The following HTT variants were observed in gnomAD, a reference collection of about 807,000 sequenced individuals.
HTT encodes the protein huntingtin.
HTT carries 104 observed loss-of-function variants against 362.3 expected under a neutral mutation model. That is an observed-to-expected ratio of 0.29 (90% CI 0.24 to 0.34). HTT has a LOEUF of 0.34. Ranked by LOEUF, HTT falls within the 10% of genes least tolerant of loss-of-function variation. HTT has a pLI of 1.00. For synonymous variants in HTT, 1,577 were observed against 1,548.7 expected, an observed-to-expected ratio of 1.02 and a Z score of -0.43; for missense variants, 3,301 against 3,928.6, an observed-to-expected ratio of 0.84 and a Z score of 4.27.
At chr4:3,202,366 A>G (rs1719623715) in intron 41 of HTT, among the ~76,000 whole-genome samples, 1 of 152,168 alleles carries the variant, frequency 6.6e-6, no homozygotes, top group South Asian at 2.1e-4. Context: ...TGAATTGCAA[A>G]TACTGCCTCT....
intron 51 of HTT, 84 bp from the exon 52 acceptor site, chr4:3,217,681 C>A: frequency 8.5e-7 from 1 of 1,175,262 alleles, no homozygotes; most frequent in East Asian, 2.4e-5. Flanking sequence ...ACAGCTTGAG[C>A]AGCTGGTTGT....
chr4:3,163,747 T>A (rs1031714695), intron 29 of HTT, among the ~76,000 whole-genome samples: 2 of 152,338 alleles, frequency 1.3e-5, no homozygotes, highest in East Asian at 3.9e-4. Flanking sequence ...AGTTTGTATT[T>A]CTGTGGGATC....
intron 64 of HTT, among the ~76,000 whole-genome samples, chr4:3,238,244 T>G (rs1292711997): frequency 6.6e-6 from 1 of 152,232 alleles, no homozygotes; most frequent in Non-Finnish European, 1.5e-5. Flanking sequence ...GGCTGGGGTT[T>G]TGCCTTTTTA....
In HTT at chr4:3,172,920, C is replaced by G; in HGVS notation, c.3955C>G (p.Leu1319Val). Residue 1319 changes from leucine (L) to valine (V), a missense_variant, in exon 31 of 67, where the codon CTC becomes GTC. Transcript: ENST00000355072. ...TTTTTCACTGTAGTTGTTGAAGACT[C>G]TCTTTGGCACAAACTTGGCCTCCCA... ...TVCVQQLLKT[L>V]FGTNLASQFD... 3.1e-6 allele frequency: 5 copies of G among 1,614,058 alleles called. No homozygotes were observed. The highest frequency in any genetic ancestry group is 3.4e-6 in the Non-Finnish European group (4 of 1,179,896).
intron 1 of HTT, 115 bp downstream of exon 1, chr4:3,075,203 A>G: frequency 1.9e-6 from 2 of 1,026,202 alleles, no homozygotes; most frequent in Non-Finnish European, 2.4e-6. Flanking sequence ...CCGCAGAGAC[A>G]GAGTGACCCA....
chr4:3,175,189 A>G, intron 33 of HTT, 82 bp downstream of exon 33: 1 of 1,295,266 alleles, frequency 7.7e-7, no homozygotes, highest in East Asian at 2.3e-5. Flanking sequence ...AATCTACTTT[A>G]AAGAAATGTG....
chr4:3,186,495 A>G (rs1718762899), intron 37 of HTT, 102 bp from the exon 38 acceptor site: 2 of 1,296,814 alleles, frequency 1.5e-6, no homozygotes, highest in Admixed American at 1.9e-5. Flanking sequence ...GGTGACGATG[A>G]GATGATTATG....
intron 2 of HTT, among the ~76,000 whole-genome samples, chr4:3,095,282 C>G (rs574270285): frequency 6.6e-6 from 1 of 152,232 alleles, no homozygotes; most frequent in South Asian, 2.1e-4. Flanking sequence ...CCCGGCACCT[C>G]GGGAGGCCGA....
chr4:3,138,062 A>G lies in HTT; in HGVS notation c.2798+1736A>G, dbSNP rs1426642967. Among the ~76,000 whole-genome samples, 3 of 139,950 alleles carry G rather than the reference A, an allele frequency of 2.1e-5. No homozygotes were observed. In the East Asian group the frequency reaches 7.1e-4, roughly 33 times the overall value. The allele number at this position is 139,950 out of a possible 152,430, so 91.8% of individuals were successfully genotyped here. On this transcript the variant is annotated intron_variant, in intron 21 of 66. Coordinates refer to ENST00000355072, the MANE Select transcript of HTT (RefSeq NM_001388492.1). ...TGAAACTGCTCTTCAAAAACATACC[A>G]TTGTTCCTTCCTTCCTTCCTTCCTT...
chr4:3,100,262 A>G (rs1257072365), intron 3 of HTT, among the ~76,000 whole-genome samples: 1 of 152,210 alleles, frequency 6.6e-6, no homozygotes, highest in Admixed American at 6.5e-5. Context: ...GTGAGGACTA[A>G]TTGCCACTAC....
At chr4:3,238,730 G>GGGGC in intron 65 of HTT, 88 bp from the exon 66 acceptor site, 5 of 1,097,028 alleles carry the variant, frequency 4.6e-6, no homozygotes, top group South Asian at 1.4e-5. Context: ...AATGCCTCTG[G>GGGGC]CCCCCACCCC....
intron 10 of HTT, 106 bp downstream of exon 10, chr4:3,123,042 T>A (rs928748960): frequency 1.7e-5 from 13 of 761,276 alleles, no homozygotes; most frequent in Non-Finnish European, 2.6e-5. Context: ...TTGGACTCTG[T>A]GTATATCTCT....
At position 3,182,486 on chromosome 4, in the gene HTT, C is replaced by T; in HGVS notation, c.4866+16C>T. On this transcript the variant is annotated intron_variant, in intron 37 of 66. Coordinates refer to ENST00000355072, the MANE Select transcript of HTT (RefSeq NM_001388492.1). Reference sequence around the variant, plus strand: ...CAAACAGCAGGTTTGTCCCCGCAGCCTTGGCTTGTTGTTGCATAGTGATGG... The same window carrying T: ...CAAACAGCAGGTTTGTCCCCGCAGCTTTGGCTTGTTGTTGCATAGTGATGG... 1 of 1,551,522 alleles carries T rather than the reference C, an allele frequency of 6.4e-7. No homozygotes were observed. Among genetic ancestry groups the T allele is most frequent in the Non-Finnish European group, 8.9e-7 (1 of 1,123,094 alleles).
At position 3,175,059 on chromosome 4, in the gene HTT, G is replaced by A. The variant is rs1360628558; in HGVS notation, c.4359G>A (p.Ala1453=). 5.6e-6 allele frequency: 9 copies of A among 1,613,994 alleles called. No homozygotes were observed. Among genetic ancestry groups the A allele is most frequent in the Non-Finnish European group, 6.8e-6 (8 of 1,179,982 alleles). The change falls in exon 33 of 67, where the codon GCG becomes GCA. Residue 1453 remains alanine, a synonymous_variant. Coordinates refer to ENST00000355072, the MANE Select transcript of HTT (RefSeq NM_001388492.1). ...AGAAGCAGGTTTTAGATTTGCTGGCGCAGCTGGTTCAGTTACGGGTTAATT... is the reference window on the plus strand; with the variant it reads ...AGAAGCAGGTTTTAGATTTGCTGGCACAGCTGGTTCAGTTACGGGTTAATT... ...QLQKQVLDLL[A]QLVQLRVNYC... is the part of the protein sequence containing the mutation.
chr4:3,109,136 C>T lies in HTT; in HGVS notation c.747+1713C>T, dbSNP rs949148318. ...GATTATAAACAAAGATAGTAGTTCC[C>T]TTCCTACTTTTTCTCTTAATCCTTG... is the stretch of plus-strand genomic sequence containing the variant. On this transcript the variant is annotated intron_variant, in intron 6 of 66. Transcript: ENST00000355072. Among the ~76,000 whole-genome samples the T allele has an allele frequency of 2.4e-4, 37 of 151,784 alleles. 3 individuals carry two copies. The highest frequency in any genetic ancestry group is 2.4e-5 in the African/African-American group (1 of 41,322).
chr4:3,174,385 A>C (rs1718133810), intron 31 of HTT, among the ~76,000 whole-genome samples: 1 of 152,232 alleles, frequency 6.6e-6, no homozygotes, highest in African/African-American at 2.4e-5. Flanking sequence ...CTTCTAAATT[A>C]CTGATCTTTT....
At chr4:3,169,429 C>G (rs901530231) in intron 29 of HTT, among the ~76,000 whole-genome samples, 1 of 152,144 alleles carries the variant, frequency 6.6e-6, no homozygotes, top group African/African-American at 2.4e-5. Context: ...CCATAGCTTA[C>G]TGATGCTCTT....
intron 24 of HTT, among the ~76,000 whole-genome samples, chr4:3,146,559 A>G (rs146182786): frequency 2.5e-4 from 38 of 152,302 alleles, no homozygotes; most frequent in African/African-American, 8.7e-4. Context: ...GCATTCCTTC[A>G]TTGGACACTT....
chr4:3,148,152 T>G lies in HTT; in HGVS notation c.3443T>G (p.Val1148Gly), dbSNP rs1254631449. The G allele has an allele frequency of 6.2e-7, 1 of 1,612,466 alleles. No individual in the cohort carries two copies. The highest frequency in any genetic ancestry group is 8.5e-7 in the Non-Finnish European group (1 of 1,179,292). ...VEQLFSHLLK[V>G]INICAHVLDD... ...CAGCTCTTCTCTCACCTGCTGAAGG[T>G]GATTAACATTTGTGCCCACGTCCTG... The change falls in exon 26 of 67, where the codon GTG (valine) becomes GGG (glycine). Residue 1148 changes from valine to glycine, a missense_variant. Coordinates refer to ENST00000355072, the MANE Select transcript of HTT (RefSeq NM_001388492.1).
Sources: gnomAD v4.1 joint callset for allele counts (sites outside exome capture counted in the v4.1 genomes callset) on GRCh38, gnomAD v4.1.1 for gene constraint, MANE v1.5 for transcripts, NCBI Gene and HGNC (gene_info 2026-07-23, HGNC 2026-07-21) for gene names.